SPEF2: variants seen among roughly 807,000 people sequenced by gnomAD.
SPEF2 encodes the protein sperm flagellar and cilia associated 2, also known as sperm flagella and cilia-associated protein 2.
A neutral mutation model predicts 224.6 loss-of-function variants in SPEF2; 187 were observed. The ratio of observed to expected loss-of-function variants is 0.83; its 90% CI spans 0.74 to 0.94. The LOEUF is 0.94. SPEF2 is among the 40% of genes least tolerant of loss of function. The probability of loss-of-function intolerance (pLI) is 0.00; values close to 1 mark genes in which losing one functional copy is unlikely to be tolerated. For synonymous variants in SPEF2, 715 were observed against 707.3 expected (o/e 1.01, Z -0.17); for missense variants, 2,170 against 2,135.6 (o/e 1.02, Z -0.32).
chr5:35,623,303 T>C (rs1396951188), intron 1 of SPEF2, among the ~76,000 whole-genome samples: 2 of 152,160 alleles, frequency 1.3e-5, no homozygotes, highest in Admixed American at 6.5e-5. Context: ...CAGGGTTTGT[T>C]TGTTTGTTTG....
chr5:35,658,918 G>T, intron 7 of SPEF2, 101 bp from the exon 8 acceptor site: 1 of 843,496 alleles, frequency 1.2e-6, no homozygotes, highest in East Asian at 3.0e-5. Context: ...AACTGATTTA[G>T]ATGAACATTA....
At position 35,654,665 on chromosome 5, in the gene SPEF2, A is replaced by G. The variant is rs1748713020; in HGVS notation, c.917A>G (p.Gln306Arg). 1 of 1,613,526 alleles carries G rather than the reference A, an allele frequency of 6.2e-7. No individual in the cohort carries two copies. The highest frequency in any genetic ancestry group is 1.3e-5 in the African/African-American group (1 of 74,868). Residue 306 changes from glutamine (Q) to arginine (R), a missense_variant, in exon 7 of 37, where the codon CAA (glutamine) becomes CGA (arginine). Physicochemically the swap from Gln to Arg is conservative, Grantham distance 43. Coordinates refer to ENST00000356031, the MANE Select transcript of SPEF2 (RefSeq NM_024867.4). The part of the protein sequence containing the change: ...RLEEDAFARE[Q>R]REKRRRKLLM... ...GAAGAAGATGCTTTTGCACGAGAGC[A>G]AAGGGAGAAAAGACGGCGGAAATTG...
At chr5:35,793,076 C>A in intron 31 of SPEF2, 83 bp from the exon 32 acceptor site, 1 of 1,279,964 alleles carries the variant, frequency 7.8e-7, no homozygotes, top group Non-Finnish European at 1.1e-6. Context: ...TCATGGGAAA[C>A]TCTCACTATG....
At chr5:35,695,590 G>A (rs1755192154) in intron 13 of SPEF2, 145 bp from the exon 14 acceptor site, 1 of 580,284 alleles carries the variant, frequency 1.7e-6, no homozygotes, top group Non-Finnish European at 3.0e-6. Context: ...ATGCTGTGGT[G>A]ATTCTATTAC....
At chr5:35,783,135 A>G (rs372356250) in intron 30 of SPEF2, among the ~76,000 whole-genome samples, 2 of 152,180 alleles carry the variant, frequency 1.3e-5, no homozygotes, top group African/African-American at 4.8e-5. Flanking sequence ...GCAGAGTTAG[A>G]TCTAGTGAAT....
intron 8 of SPEF2, among the ~76,000 whole-genome samples, chr5:35,665,678 T>A (rs1463938420): frequency 1.3e-5 from 2 of 152,184 alleles, no homozygotes; most frequent in Non-Finnish European, 2.9e-5. Context: ...TCATTGGATA[T>A]TTCTGCTCTC....
chr5:35,759,591 T>C lies in SPEF2; in HGVS notation c.3492T>C (p.Asp1164=), dbSNP rs1397330988. The change falls in exon 25 of 37, where the codon GAT becomes GAC. Residue 1164 remains aspartate, a synonymous_variant. Coordinates refer to ENST00000356031, the MANE Select transcript of SPEF2 (RefSeq NM_024867.4). ...AGGCAGAGCTGAACCGTTTCCAAGA[T>C]ACAAAGAGACTCCTTCAAGATTATT... ...LMQAELNRFQ[D]TKRLLQDYYW... 1 of 1,605,792 alleles carries C rather than the reference T, an allele frequency of 6.2e-7. No homozygotes were observed. The highest frequency in any genetic ancestry group is 1.7e-5 in the Admixed American group (1 of 59,694).
chr5:35,694,176 A>T, intron 12 of SPEF2, 112 bp from the exon 13 acceptor site: 1 of 777,820 alleles, frequency 1.3e-6, no homozygotes. Flanking sequence ...AATGTTATAG[A>T]CAAAAAGTAT....
intron 8 of SPEF2, among the ~76,000 whole-genome samples, chr5:35,661,348 C>T (rs1476798890): frequency 2.9e-5 from 4 of 136,472 alleles, no homozygotes; most frequent in African/African-American, 8.0e-5. Context: ...TATATATATA[C>T]ACACACACAT....
chr5:35,704,364 C>G (rs1739321394), intron 16 of SPEF2, among the ~76,000 whole-genome samples, 190 bp from the exon 17 acceptor site: 1 of 152,080 alleles, frequency 6.6e-6, no homozygotes, highest in Non-Finnish European at 1.5e-5. Flanking sequence ...TTATTTTCCC[C>G]AATTTCCAAG....
At chr5:35,731,403 A>G (rs2149667226) in intron 21 of SPEF2, among the ~76,000 whole-genome samples, 1 of 152,298 alleles carries the variant, frequency 6.6e-6, no homozygotes, top group East Asian at 1.9e-4. Flanking sequence ...GTACCCCTCT[A>G]TTATTCTTTA....
intron 2 of SPEF2, among the ~76,000 whole-genome samples, chr5:35,637,514 A>T (rs148369437): frequency 6.3e-4 from 96 of 152,338 alleles, no homozygotes; most frequent in African/African-American, 2.3e-3. Context: ...TTTCCATGCT[A>T]GAGGTGAATT....
Position 35,659,028 on chromosome 5 carries a change from C to T in SPEF2, c.988C>T (p.Arg330Trp), listed in dbSNP as rs142277796. ...CCCCTGGTGTTTTCAGGAGGCTTAT[C>T]GGGAGGAACAGCTGATTAACCGGCT... ...IAHEAQEEAY[R>W]EEQLINRLMR... is the part of the protein sequence containing the mutation. Residue 330 changes from arginine to tryptophan, a missense_variant, in exon 8 of 37, where the codon CGG (arginine) becomes TGG (tryptophan). By Grantham distance (101) the Arg-to-Trp change is moderately radical (BLOSUM62 -3). Coordinates refer to ENST00000356031, the MANE Select transcript of SPEF2 (RefSeq NM_024867.4). The T allele has an allele frequency of 4.6e-4, 711 of 1,557,608 alleles. 2 individuals are homozygous for T. Among genetic ancestry groups the T allele is most frequent in the South Asian group, 7.8e-4 (65 of 83,428 alleles).
At chr5:35,705,603 A>G in intron 17 of SPEF2, 48 bp from the exon 18 acceptor site, 2 of 1,364,650 alleles carry the variant, frequency 1.5e-6, no homozygotes, top group South Asian at 1.5e-5. Context: ...ATGTCATTCT[A>G]ATCTTTTGAT....
chr5:35,773,970 G>C lies in SPEF2; in HGVS notation c.4027G>C (p.Glu1343Gln), dbSNP rs1351450588. The change falls in exon 28 of 37, where the codon GAA becomes CAA. Residue 1343 changes from glutamate (E) to glutamine (Q), a missense_variant. Coordinates refer to ENST00000356031, the MANE Select transcript of SPEF2 (RefSeq NM_024867.4). ...EEIAEIKRKN[E>Q]LRVKIKEEHL... ...AATTGCTGAAATCAAAAGGAAAAAT[G>C]AACTGAGGGTCAAAATAAAAGAAGA... 1 of 1,613,234 alleles carries C rather than the reference G, an allele frequency of 6.2e-7. No homozygotes were observed. The highest frequency in any genetic ancestry group is 8.5e-7 in the Non-Finnish European group (1 of 1,179,548).
chr5:35,624,369 T>C (rs1013693854), intron 1 of SPEF2, among the ~76,000 whole-genome samples: 1 of 152,190 alleles, frequency 6.6e-6, no homozygotes, highest in Non-Finnish European at 1.5e-5. Flanking sequence ...GTTTATTTAC[T>C]TATCATATTC....
At chr5:35,763,487 A>C (rs764643199) in intron 25 of SPEF2, 35 bp from the exon 26 acceptor site, 22 of 1,505,806 alleles carry the variant, frequency 1.5e-5, no homozygotes, top group Non-Finnish European at 1.9e-5. Flanking sequence ...GTTAAGCAAA[A>C]TTTTTTATCC....
At chr5:35,697,836 C>T (rs1019693830) in intron 15 of SPEF2, 43 bp downstream of exon 15, 3 of 1,374,612 alleles carry the variant, frequency 2.2e-6, no homozygotes, top group Non-Finnish European at 2.0e-6. Flanking sequence ...TTAATATATT[C>T]TTTATCACAC....
chr5:35,729,388 A>G (rs75822080), intron 21 of SPEF2, among the ~76,000 whole-genome samples: 4,232 of 152,210 alleles, frequency 0.028, 214 homozygotes, highest in African/African-American at 0.098. Context: ...CCCCAGAGGG[A>G]TGCAGTGCGA....
Sources: gnomAD v4.1 joint callset for allele counts (sites outside exome capture counted in the v4.1 genomes callset) on GRCh38, gnomAD v4.1.1 for gene constraint, MANE v1.5 for transcripts, NCBI Gene and HGNC (gene_info 2026-07-23, HGNC 2026-07-21) for gene names.